The following TBC1D22A variants were observed in gnomAD, a reference collection of about 807,000 sequenced individuals.
The protein encoded by TBC1D22A is putative GTPase activator.
Under a neutral mutation model 60.2 loss-of-function variants are expected in TBC1D22A, and 38 were observed. The observed-to-expected ratio is 0.63, with a 90% CI of 0.49 to 0.83. TBC1D22A has a LOEUF of 0.83. Ranked by LOEUF, TBC1D22A falls within the 40% of genes least tolerant of loss-of-function variation. The pLI, the probability that TBC1D22A is intolerant of heterozygous loss-of-function variation, is 0.00. For missense variants in TBC1D22A, 628 were observed against 701.0 expected (o/e 0.90, Z 1.18); for synonymous variants, 302 against 281.7 (o/e 1.07, Z -0.72).
intron 8 of TBC1D22A, among the ~76,000 whole-genome samples, chr22:46,928,747 A>G (rs1602521673): frequency 1.3e-5 from 2 of 152,334 alleles, no homozygotes; most frequent in Admixed American, 6.5e-5. Context: ...AAATGGGCAA[A>G]GTGTTTGAAT....
chr22:46,861,528 G>A (rs2087886007), intron 4 of TBC1D22A, among the ~76,000 whole-genome samples: 1 of 152,200 alleles, frequency 6.6e-6, no homozygotes, highest in Non-Finnish European at 1.5e-5. Flanking sequence ...GGAGTAGATG[G>A]CCTGGCTTCT....
intron 8 of TBC1D22A, among the ~76,000 whole-genome samples, chr22:46,933,164 A>G (rs143755342): frequency 4.6e-5 from 7 of 152,128 alleles, no homozygotes; most frequent in African/African-American, 7.2e-5. Context: ...TTCCATTCCT[A>G]TCTTTGAGCT....
intron 11 of TBC1D22A, among the ~76,000 whole-genome samples, chr22:47,053,025 C>G (rs2148448853): frequency 6.6e-6 from 1 of 152,350 alleles, no homozygotes; most frequent in East Asian, 1.9e-4. Context: ...CCTGTGTGGT[C>G]ATTGTCATGT....
chr22:46,814,948 C>T (rs557936145), intron 4 of TBC1D22A, among the ~76,000 whole-genome samples: 5 of 152,218 alleles, frequency 3.3e-5, no homozygotes, highest in South Asian at 2.1e-4. Context: ...CCACCATGCC[C>T]GGCCTATTTT....
At chr22:47,068,979 G>A (rs1403229445) in intron 11 of TBC1D22A, among the ~76,000 whole-genome samples, 3 of 152,088 alleles carry the variant, frequency 2.0e-5, no homozygotes, top group Non-Finnish European at 2.9e-5. Flanking sequence ...GTGACTCTAC[G>A]TTTTTTTAAA....
intron 8 of TBC1D22A, among the ~76,000 whole-genome samples, chr22:46,912,414 C>T (rs997439283): frequency 6.6e-6 from 1 of 152,182 alleles, no homozygotes; most frequent in East Asian, 1.9e-4. Flanking sequence ...TGAATATCTT[C>T]TTTTTAACAA....
At chr22:47,137,916 G>A (rs1306808182) in intron 12 of TBC1D22A, among the ~76,000 whole-genome samples, 2 of 152,126 alleles carry the variant, frequency 1.3e-5, no homozygotes, top group African/African-American at 4.8e-5. Flanking sequence ...TCTGAAAGGG[G>A]CTGGCCCTGC....
At chr22:47,100,845 G>C (rs2065386868) in intron 11 of TBC1D22A, among the ~76,000 whole-genome samples, 1 of 152,172 alleles carries the variant, frequency 6.6e-6, no homozygotes, top group South Asian at 2.1e-4. Flanking sequence ...TCCCGCAGTA[G>C]GCTGCCGTCT....
intron 12 of TBC1D22A, among the ~76,000 whole-genome samples, chr22:47,152,678 C>T (rs738669): frequency 0.57 from 86,458 of 152,050 alleles, 25,136 homozygotes; most frequent in East Asian, 0.77. Flanking sequence ...TGTGCTTGGC[C>T]CATTTATATT....
At chr22:46,882,875 T>G (rs1409059542) in intron 5 of TBC1D22A, among the ~76,000 whole-genome samples, 1 of 152,258 alleles carries the variant, frequency 6.6e-6, no homozygotes, top group East Asian at 1.9e-4. Flanking sequence ...GATTTGTCAT[T>G]AACATGATTC....
At chr22:47,094,817 G>A (rs937281245) in intron 11 of TBC1D22A, among the ~76,000 whole-genome samples, 1 of 152,068 alleles carries the variant, frequency 6.6e-6, no homozygotes, top group Non-Finnish European at 1.5e-5. Context: ...CCCTTCCCCT[G>A]ATCAGCCCCC....
intron 6 of TBC1D22A, among the ~76,000 whole-genome samples, 158 bp from the exon 7 acceptor site, chr22:46,894,626 A>C (rs1341052391): frequency 1.3e-5 from 2 of 152,198 alleles, no homozygotes; most frequent in Non-Finnish European, 2.9e-5. Flanking sequence ...TACCTCCTTC[A>C]GGGGAGAAGG....
intron 1 of TBC1D22A, among the ~76,000 whole-genome samples, chr22:46,780,310 A>G (rs553779135): frequency 1.1e-4 from 17 of 152,278 alleles, no homozygotes; most frequent in African/African-American, 4.1e-4. Context: ...TTAATCGTAA[A>G]TGTTTCATTT....
rs767478379 is a variant in TBC1D22A at position 46,997,708 on chromosome 22, T to C, written c.1200T>C (p.Asp400=). ...KMLEELVSRI[D]EQVHRHLDQH... is the part of the protein sequence containing the mutation. ...TAGAAGAACTCGTGAGCCGGATTGA[T>C]GGTAAGCCAGCTTCCCGCGCAGCCC... is the stretch of plus-strand genomic sequence containing the variant. Residue 400 remains aspartate (D), a splice_region_variant and synonymous_variant, in exon 10 of 13, where the codon GAT becomes GAC. Transcript: ENST00000337137. 4 of 1,614,002 alleles carry C rather than the reference T, an allele frequency of 2.5e-6. No individual in the cohort carries two copies. The East Asian group carries it at 8.9e-5, about 36-fold the overall frequency.
At chr22:47,027,476 C>T (rs2062295967) in intron 10 of TBC1D22A, among the ~76,000 whole-genome samples, 1 of 152,180 alleles carries the variant, frequency 6.6e-6, no homozygotes, top group Non-Finnish European at 1.5e-5. Context: ...CTTTATCCTT[C>T]ACCCCCTTCC....
chr22:46,902,542 T>C (rs556784052), intron 7 of TBC1D22A, among the ~76,000 whole-genome samples: 4 of 152,386 alleles, frequency 2.6e-5, no homozygotes, highest in African/African-American at 9.6e-5. Flanking sequence ...TATTGCCCTT[T>C]GCTAGATAAT....
chr22:47,135,175 CCTG>C lies in TBC1D22A; in HGVS notation c.1425+23573_1425+23575del, dbSNP rs151123197. Among the ~76,000 whole-genome samples, 1,047 of 152,342 alleles carry C rather than the reference CCTG, an allele frequency of 6.9e-3. 14 individuals carry two copies. Among genetic ancestry groups the C allele is most frequent in the African/African-American group, 0.024 (983 of 41,582 alleles). ...CCTGACAAGAGTGGTGCAGAGCCCA[CCTG>C]TGGGCAGCCGGCCTTCCCAGAACCC... On this transcript the variant is annotated intron_variant, in intron 12 of 12. Coordinates refer to ENST00000337137, the MANE Select transcript of TBC1D22A (RefSeq NM_014346.5).
chr22:47,143,887 G>A (rs933185155), intron 12 of TBC1D22A, among the ~76,000 whole-genome samples: 2 of 152,238 alleles, frequency 1.3e-5, no homozygotes, highest in African/African-American at 4.8e-5. Context: ...TAGAAACACC[G>A]GAAACACGTG....
intron 11 of TBC1D22A, among the ~76,000 whole-genome samples, chr22:47,098,751 C>T (rs534022068): frequency 7.2e-5 from 11 of 152,332 alleles, no homozygotes; most frequent in South Asian, 2.1e-4. Flanking sequence ...CCCTGTTGCC[C>T]GTTAACTTTG....
Sources: allele counts gnomAD v4.1 joint callset (sites outside exome capture counted in the v4.1 genomes callset), GRCh38; gene constraint gnomAD v4.1.1; transcripts MANE v1.5; gene names NCBI Gene and HGNC (gene_info 2026-07-23, HGNC 2026-07-21).